PALLD: variants seen among roughly 807,000 people sequenced by gnomAD.
PALLD encodes palladin.
PALLD carries 61 observed loss-of-function variants against 123.5 expected under a neutral mutation model. That is an observed-to-expected ratio of 0.49 (90% CI 0.40 to 0.61). PALLD has a LOEUF of 0.61. Ranked by LOEUF, PALLD falls within the 20% of genes least tolerant of loss-of-function variation. The probability of loss-of-function intolerance (pLI) is 0.00; values close to 1 mark genes in which losing one functional copy is unlikely to be tolerated. For missense variants in PALLD, 1,273 were observed against 1,377.0 expected, an observed-to-expected ratio of 0.92 and a Z score of 1.20; for synonymous variants, 465 against 496.4, an observed-to-expected ratio of 0.94 and a Z score of 0.84.
At chr4:168,744,115 A>G (rs897096373) in intron 10 of PALLD, among the ~76,000 whole-genome samples, 1 of 152,158 alleles carries the variant, frequency 6.6e-6, no homozygotes, top group African/African-American at 2.4e-5. Flanking sequence ...AGCCCAGAGG[A>G]CAACACTCTG....
At chr4:168,555,131 T>C (rs963253691) in intron 2 of PALLD, among the ~76,000 whole-genome samples, 73 of 152,340 alleles carry the variant, frequency 4.8e-4, no homozygotes, top group African/African-American at 1.7e-3. Flanking sequence ...AAGAAACATG[T>C]AGATCTACTA....
chr4:168,760,031 G>T (rs1217573702), intron 10 of PALLD, among the ~76,000 whole-genome samples: 4 of 151,310 alleles, frequency 2.6e-5, no homozygotes, highest in Non-Finnish European at 5.9e-5. Flanking sequence ...TCCAGCCTGG[G>T]CGACAGAGAC....
At chr4:168,750,089 A>G (rs1164664005) in intron 10 of PALLD, among the ~76,000 whole-genome samples, 2 of 152,074 alleles carry the variant, frequency 1.3e-5, no homozygotes, top group African/African-American at 2.4e-5. Flanking sequence ...CTGGGATTAC[A>G]GGCACCTGCC....
At chr4:168,748,757 T>C (rs12643788) in intron 10 of PALLD, among the ~76,000 whole-genome samples, 13,558 of 152,288 alleles carry the variant, frequency 0.089, 599 homozygotes, top group South Asian at 0.13. Context: ...TGGTCTCTTA[T>C]TGGCCATTTA....
chr4:168,811,168 C>T (rs1020606439), intron 10 of PALLD, among the ~76,000 whole-genome samples: 3 of 152,106 alleles, frequency 2.0e-5, no homozygotes, highest in African/African-American at 4.8e-5. Context: ...TGTGGACAAC[C>T]GAAAGAGTTA....
chr4:168,685,657 C>T, intron 6 of PALLD, 98 bp downstream of exon 6: 1 of 829,380 alleles, frequency 1.2e-6, no homozygotes, highest in South Asian at 1.3e-5. Flanking sequence ...TTAAAAGGAA[C>T]AGATTAGTAG....
chr4:168,778,580 A>C (rs1256556540), intron 10 of PALLD, among the ~76,000 whole-genome samples: 2 of 152,228 alleles, frequency 1.3e-5, no homozygotes, highest in Non-Finnish European at 2.9e-5. Context: ...TCTAGCACAT[A>C]GTAGATACTT....
At position 168,926,847 on chromosome 4, in the gene PALLD, T is replaced by C. The variant is rs1582267455; in HGVS notation, c.*667T>C. 4 of 221,166 alleles carry C rather than the reference T, an allele frequency of 1.8e-5. No homozygotes were observed. In the East Asian group the frequency reaches 2.7e-4, roughly 15 times the overall value. 13.7% of individuals were successfully genotyped at this position (221,166 alleles called of 1,614,324 possible). On this transcript the variant is annotated 3_prime_UTR_variant, in exon 22 of 22. Transcript: ENST00000505667. ...CAGATACAGTGAACCAAGTGCAATA[T>C]GTAAGGATGAAAGAAGAAGAGATGA... is the stretch of plus-strand genomic sequence containing the variant.
chr4:168,598,519 C>G, intron 2 of PALLD: 1 of 442,168 alleles, frequency 2.3e-6, no homozygotes, highest in South Asian at 2.0e-5. Context: ...GAGGTAATTG[C>G]AAAGATGTTA....
intron 7 of PALLD, 28 bp from the exon 8 acceptor site, chr4:168,691,241 T>A: frequency 6.4e-7 from 1 of 1,571,516 alleles, no homozygotes; most frequent in South Asian, 1.1e-5. Context: ...TACTTTGTTC[T>A]AATTTATTTT....
At chr4:168,837,244 T>A (rs1177050706) in intron 10 of PALLD, among the ~76,000 whole-genome samples, 1 of 152,148 alleles carries the variant, frequency 6.6e-6, no homozygotes, top group Non-Finnish European at 1.5e-5. Flanking sequence ...ATGGGACCAA[T>A]TTTGGATGGC....
At chr4:168,864,277 T>C (rs1045017606) in intron 10 of PALLD, 1 of 152,238 alleles carries the variant, frequency 6.6e-6, no homozygotes, top group Non-Finnish European at 1.5e-5. Flanking sequence ...TATCTTTTCT[T>C]TGTTCTTTGT....
chr4:168,765,554 C>T (rs563673707), intron 10 of PALLD, among the ~76,000 whole-genome samples: 40 of 152,280 alleles, frequency 2.6e-4, no homozygotes, highest in African/African-American at 7.9e-4. Flanking sequence ...TTTAGCTACA[C>T]GTTCATGGAC....
At chr4:168,555,333 C>T (rs538050573) in intron 2 of PALLD, among the ~76,000 whole-genome samples, 6 of 152,254 alleles carry the variant, frequency 3.9e-5, no homozygotes, top group African/African-American at 1.2e-4. Context: ...AGGGTTGAGG[C>T]CTGAGAAAAA....
At chr4:168,656,918 G>A (rs1778639415) in intron 2 of PALLD, among the ~76,000 whole-genome samples, 1 of 152,204 alleles carries the variant, frequency 6.6e-6, no homozygotes, top group South Asian at 2.1e-4. Flanking sequence ...AACACTAATT[G>A]GTTGGTAGTG....
intron 2 of PALLD, among the ~76,000 whole-genome samples, chr4:168,514,387 C>T (rs900151881): frequency 2.6e-5 from 4 of 152,054 alleles, no homozygotes; most frequent in Non-Finnish European, 5.9e-5. Context: ...CGATTTTTTT[C>T]CCCCGACCAA....
chr4:168,917,762 G>A (rs1760494570), intron 17 of PALLD, among the ~76,000 whole-genome samples: 1 of 152,010 alleles, frequency 6.6e-6, no homozygotes, highest in Non-Finnish European at 1.5e-5. Context: ...ATTTTTTACA[G>A]TATAAATACA....
At chr4:168,702,989 T>C (rs1783832582) in intron 8 of PALLD, among the ~76,000 whole-genome samples, 1 of 146,650 alleles carries the variant, frequency 6.8e-6, no homozygotes, top group African/African-American at 2.5e-5. Context: ...ACATGTGCCA[T>C]GCTGGTGCGC....
chr4:168,867,855 G>A (rs1171903889), intron 10 of PALLD, among the ~76,000 whole-genome samples: 1 of 150,618 alleles, frequency 6.6e-6, no homozygotes, highest in African/African-American at 2.4e-5. Context: ...GGTTTCCAAG[G>A]CCACTTTCTA....
Sources: gnomAD v4.1 joint callset for allele counts (sites outside exome capture counted in the v4.1 genomes callset) on GRCh38, gnomAD v4.1.1 for gene constraint, MANE v1.5 for transcripts, NCBI Gene and HGNC (gene_info 2026-07-23, HGNC 2026-07-21) for gene names.